Variants in PTPRN2 observed in about 807,000 individuals in gnomAD.
The protein encoded by PTPRN2 is protein tyrosine phosphatase receptor type N2.
PTPRN2 carries 74 observed loss-of-function variants against 118.8 expected under a neutral mutation model. That is an observed-to-expected ratio of 0.62 (90% confidence interval 0.52 to 0.76). The LOEUF is 0.76. PTPRN2 is among the 30% of genes least tolerant of loss of function. The pLI is 0.00. For synonymous variants in PTPRN2, 641 were observed against 608.0 expected, an observed-to-expected ratio of 1.05 and a Z score of -0.80; for missense variants, 1,481 against 1,394.4, an observed-to-expected ratio of 1.06 and a Z score of -0.99.
At chr7:158,140,654 A>AC (rs1461183939) in intron 6 of PTPRN2, among the ~76,000 whole-genome samples, 1 of 152,212 alleles carries the variant, frequency 6.6e-6, no homozygotes, top group Non-Finnish European at 1.5e-5. Flanking sequence ...GCCCAGGGCA[A>AC]CCAGAGCCGC....
At chr7:157,951,570 G>A (rs1202587621) in intron 11 of PTPRN2, among the ~76,000 whole-genome samples, 1 of 152,200 alleles carries the variant, frequency 6.6e-6, no homozygotes, top group African/African-American at 2.4e-5. Context: ...AAAGTGGACA[G>A]GTGCACTGCA....
In PTPRN2 at chr7:158,431,352, A is replaced by G. The variant is rs149817152; in HGVS notation, c.163+58383T>C. 2.0e-3 allele frequency among the ~76,000 whole-genome samples: 291 copies of G among 147,130 alleles called. 2 individuals carry two copies. Among genetic ancestry groups the G allele is most frequent in the Middle Eastern group, 7.6e-3 (2 of 262 alleles). On this transcript the variant is annotated intron_variant, in intron 2 of 22. Transcript: ENST00000389418. ...CACACACTTGCTCACACTGGCTTGC[A>G]CTGGGCTTAGACCAGGCACACACCA...
chr7:158,417,770 G>A (rs201056778), intron 2 of PTPRN2, among the ~76,000 whole-genome samples: 6 of 59,770 alleles, frequency 1.0e-4, no homozygotes, highest in Admixed American at 1.7e-4. Context: ...TCAGTGTCCC[G>A]CTGTGTTAAG....
intron 12 of PTPRN2, among the ~76,000 whole-genome samples, chr7:157,814,047 G>A (rs1311594092): frequency 6.6e-6 from 1 of 152,226 alleles, no homozygotes; most frequent in Non-Finnish European, 1.5e-5. Context: ...GTGCCCACGC[G>A]AGGCAGTGGT....
chr7:157,681,287 A>C (rs73744830), intron 13 of PTPRN2, among the ~76,000 whole-genome samples: 1 of 152,352 alleles, frequency 6.6e-6, no homozygotes, highest in African/African-American at 2.4e-5. Context: ...ACTGACACAG[A>C]CTTGGCCTGA....
In PTPRN2 at chr7:158,574,187, C is replaced by T. The variant is rs983864279; in HGVS notation, c.112+13371G>A. Among the ~76,000 whole-genome samples, 8 of 152,190 alleles carry T rather than the reference C, an allele frequency of 5.3e-5. No homozygotes were observed. Among genetic ancestry groups the T allele is most frequent in the African/African-American group, 1.9e-4 (8 of 41,500 alleles). ...ACTGTTCTCAGCATATATTGTGCAT[C>T]GAGACAGCAAATAACCATAGATTGA... is the stretch of plus-strand genomic sequence containing the variant. On this transcript the variant is annotated intron_variant, in intron 1 of 22. Transcript: ENST00000389418. This position sits in a 1 kb window ranked among gnomAD's most constrained non-coding sequence, Gnocchi z 4.6.
intron 21 of PTPRN2, among the ~76,000 whole-genome samples, chr7:157,561,989 A>G (rs949195860): frequency 6.6e-6 from 1 of 152,188 alleles, no homozygotes; most frequent in Non-Finnish European, 1.5e-5. Context: ...CAGAGAAGGA[A>G]TGGACCAGTG....
chr7:158,086,246 A>G (rs1287066617), intron 10 of PTPRN2, among the ~76,000 whole-genome samples: 1 of 145,640 alleles, frequency 6.9e-6, no homozygotes, highest in Admixed American at 6.7e-5. Flanking sequence ...CAGGTAGCCC[A>G]CCGCTCCCAG....
chr7:158,345,285 G>A (rs1807420637), intron 2 of PTPRN2, among the ~76,000 whole-genome samples: 1 of 152,198 alleles, frequency 6.6e-6, no homozygotes, highest in Admixed American at 6.5e-5. Context: ...TGGCCAACGG[G>A]AAGACAGGTT....
rs751248697 is a variant in PTPRN2 at position 157,988,743 on chromosome 7, C to T, written c.1724-90006G>A. Among the ~76,000 whole-genome samples the T allele has an allele frequency of 5.4e-4, 82 of 152,312 alleles. 1 individual carries two copies. The highest frequency in any genetic ancestry group is 3.7e-4 in the Non-Finnish European group (25 of 68,026). ...TCCACACTTTCTAAAAAACCACCTA[C>T]AAGAAAGGGGTTGTTTCCTGGCCCC... On this transcript the variant is annotated intron_variant, in intron 11 of 22. Coordinates refer to ENST00000389418, the MANE Select transcript of PTPRN2 (RefSeq NM_002847.5).
At chr7:158,218,310 T>A (rs973903717) in intron 3 of PTPRN2, among the ~76,000 whole-genome samples, 2 of 151,894 alleles carry the variant, frequency 1.3e-5, no homozygotes, top group South Asian at 2.1e-4. Flanking sequence ...AGAAAAAAAA[T>A]TCCAATCAAG....
chr7:157,917,473 G>A (rs182326302), intron 11 of PTPRN2, among the ~76,000 whole-genome samples: 241 of 152,310 alleles, frequency 1.6e-3, no homozygotes, highest in African/African-American at 5.6e-3. Context: ...GGATTCTGCC[G>A]GGGGGCGGGG....
intron 12 of PTPRN2, among the ~76,000 whole-genome samples, chr7:157,786,248 G>A (rs536654168): frequency 2.0e-5 from 3 of 152,344 alleles, no homozygotes; most frequent in African/African-American, 4.8e-5. Context: ...TACCGTTCAC[G>A]TATCCTGGCT....
chr7:158,583,083 C>T (rs1828716756), intron 1 of PTPRN2, among the ~76,000 whole-genome samples: 1 of 152,170 alleles, frequency 6.6e-6, no homozygotes, highest in South Asian at 2.1e-4. Context: ...AGGCTTCACT[C>T]CCCTTCCTAG....
At position 157,583,548 on chromosome 7, in the gene PTPRN2, G is replaced by A. The variant is rs997812128; in HGVS notation, c.2497-5408C>T. The stretch of plus-strand genomic sequence containing the variant: ...TGTGGTCATCATTCACGATGTCTGC[G>A]TGTGTCAGAACATCAGGCTGTACAC... On this transcript the variant is annotated intron_variant, in intron 17 of 22. Transcript: ENST00000389418. The surrounding 1 kb of genome is among the most constrained non-coding windows in gnomAD (Gnocchi z 5.5). Among the ~76,000 whole-genome samples, 2 of 152,096 alleles carry A rather than the reference G, an allele frequency of 1.3e-5. No individual in the cohort carries two copies. The highest frequency in any genetic ancestry group is 2.4e-5 in the African/African-American group (1 of 41,426).
At chr7:157,616,877 G>A (rs1025451766) in intron 15 of PTPRN2, 1 of 152,118 alleles carries the variant, frequency 6.6e-6, no homozygotes, top group East Asian at 1.9e-4. Flanking sequence ...TAAACCAAAG[G>A]TTTATTTAGA....
intron 2 of PTPRN2, among the ~76,000 whole-genome samples, chr7:158,322,081 A>G (rs1803071023): frequency 6.6e-6 from 1 of 152,112 alleles, no homozygotes; most frequent in Non-Finnish European, 1.5e-5. Flanking sequence ...TGTCCCCAGC[A>G]TTGCCTGAGC....
At chr7:157,879,268 G>C (rs1026875637) in intron 12 of PTPRN2, among the ~76,000 whole-genome samples, 3 of 152,200 alleles carry the variant, frequency 2.0e-5, no homozygotes, top group Non-Finnish European at 2.9e-5. Context: ...GGAGCTCTTG[G>C]ATTCTGTGTT....
intron 8 of PTPRN2, among the ~76,000 whole-genome samples, chr7:158,136,278 G>A (rs117246538): frequency 0.018 from 2,701 of 152,336 alleles, 52 homozygotes; most frequent in Non-Finnish European, 0.023. Flanking sequence ...ACAGCCAGGT[G>A]TGAGTGAGCT....
Sources: gnomAD v4.1 joint callset for allele counts (sites outside exome capture counted in the v4.1 genomes callset) on GRCh38, gnomAD v4.1.1 for gene constraint, Gnocchi (gnomAD v3.1) non-coding constraint, MANE v1.5 for transcripts, NCBI Gene and HGNC (gene_info 2026-07-23, HGNC 2026-07-21) for gene names.